The following MAGI3 variants were observed in gnomAD, a reference collection of about 807,000 sequenced individuals.
MAGI3 encodes membrane-associated guanylate kinase, WW and PDZ domain-containing protein 3.
Under a neutral mutation model 121.8 loss-of-function variants are expected in MAGI3, and 43 were observed. The ratio of observed to expected loss-of-function variants is 0.35; its 90% CI spans 0.28 to 0.46. The LOEUF is 0.46. MAGI3 is among the 20% of genes least tolerant of loss of function. MAGI3 has a pLI of 1.00. For synonymous variants in MAGI3, 553 were observed against 639.3 expected, an observed-to-expected ratio of 0.86 and a Z score of 2.04; for missense variants, 1,547 against 1,797.3, an observed-to-expected ratio of 0.86 and a Z score of 2.52.
At chr1:113,569,062 G>A (rs1660545743) in intron 2 of MAGI3, among the ~76,000 whole-genome samples, 1 of 152,108 alleles carries the variant, frequency 6.6e-6, no homozygotes, top group Non-Finnish European at 1.5e-5. Context: ...AAGTTTACAT[G>A]TGATTGGCAC....
Position 113,682,951 on chromosome 1 carries a change from C to T in MAGI3, c.3383C>T (p.Ser1128Leu), listed in dbSNP as rs772680723. 36 of 1,608,358 alleles carry T rather than the reference C, an allele frequency of 2.2e-5. No individual in the cohort carries two copies. Among genetic ancestry groups the T allele is most frequent in the Non-Finnish European group, 3.0e-5 (35 of 1,178,416 alleles). Residue 1128 changes from serine to leucine, a missense_variant, in exon 21 of 21, where the codon TCA becomes TTA. By Grantham distance (145) the Ser-to-Leu change is moderately radical. Coordinates refer to ENST00000307546, the MANE Select transcript of MAGI3 (RefSeq NM_001142782.2). ...TCAAATGTGATTTATGATGAACAGT[C>T]ACCATTACCCCCATCTTCACATTTT... ...SSSNVIYDEQ[S>L]PLPPSSHFAS...
intron 9 of MAGI3, among the ~76,000 whole-genome samples, chr1:113,629,761 T>C (rs12137011): frequency 0.095 from 2,841 of 30,010 alleles, 94 homozygotes; most frequent in African/African-American, 0.24. Context: ...TCTCTCTCTC[T>C]CCCTCCCTCC....
At chr1:113,535,697 A>G (rs1658942896) in intron 1 of MAGI3, among the ~76,000 whole-genome samples, 1 of 152,210 alleles carries the variant, frequency 6.6e-6, no homozygotes, top group Non-Finnish European at 1.5e-5. Flanking sequence ...TTAATAGTGC[A>G]TGAAAATACT....
chr1:113,650,457 G>A (rs530604548), intron 13 of MAGI3, among the ~76,000 whole-genome samples: 24 of 152,294 alleles, frequency 1.6e-4, no homozygotes, highest in African/African-American at 5.3e-4. Flanking sequence ...TCTAATGCTG[G>A]TGAGCAAAAT....
At chr1:113,564,506 A>G (rs2101692850) in intron 2 of MAGI3, among the ~76,000 whole-genome samples, 1 of 152,306 alleles carries the variant, frequency 6.6e-6, no homozygotes, top group Admixed American at 6.5e-5. Flanking sequence ...TTATGAACTA[A>G]TAAAATAAGA....
chr1:113,513,433 A>G (rs920442691), intron 1 of MAGI3, among the ~76,000 whole-genome samples: 1 of 152,198 alleles, frequency 6.6e-6, no homozygotes, highest in Non-Finnish European at 1.5e-5. Flanking sequence ...ACAAAGATAT[A>G]GATCAATGGA....
At chr1:113,460,529 G>C (rs1206947132) in intron 1 of MAGI3, among the ~76,000 whole-genome samples, 1 of 152,174 alleles carries the variant, frequency 6.6e-6, no homozygotes, top group African/African-American at 2.4e-5. Context: ...AATAGTCTCA[G>C]CCGGGCACGG....
At chr1:113,578,079 A>G (rs1022605489) in intron 2 of MAGI3, among the ~76,000 whole-genome samples, 1 of 152,142 alleles carries the variant, frequency 6.6e-6, no homozygotes, top group African/African-American at 2.4e-5. Flanking sequence ...TGACAGCTCA[A>G]CTGGAGCTGG....
chr1:113,411,628 G>GA (rs1651994212), intron 1 of MAGI3, among the ~76,000 whole-genome samples: 1 of 151,394 alleles, frequency 6.6e-6, no homozygotes, highest in Non-Finnish European at 1.5e-5. Flanking sequence ...ACATTTTGCT[G>GA]GAAATTAAAC....
intron 1 of MAGI3, among the ~76,000 whole-genome samples, chr1:113,517,982 T>A (rs1658009528): frequency 6.6e-6 from 1 of 152,094 alleles, no homozygotes; most frequent in South Asian, 2.1e-4. Flanking sequence ...AATCTTATAA[T>A]GGTTCCTCAT....
intron 1 of MAGI3, among the ~76,000 whole-genome samples, chr1:113,424,052 C>A (rs1652870685): frequency 6.6e-6 from 1 of 152,162 alleles, no homozygotes; most frequent in Non-Finnish European, 1.5e-5. Flanking sequence ...CAAGGATACC[C>A]AGTCTGGAGC....
chr1:113,585,219 C>T (rs1286456420), intron 3 of MAGI3, among the ~76,000 whole-genome samples, 168 bp from the exon 4 acceptor site: 5 of 151,968 alleles, frequency 3.3e-5, no homozygotes, highest in South Asian at 2.1e-4. Context: ...TCACCCATCT[C>T]GACCTCCCAA....
intron 1 of MAGI3, among the ~76,000 whole-genome samples, chr1:113,430,219 G>A (rs1653233443): frequency 6.6e-6 from 1 of 152,126 alleles, no homozygotes; most frequent in Non-Finnish European, 1.5e-5. Flanking sequence ...CAGGGAAGAG[G>A]TTGGAGTAGC....
At chr1:113,434,449 T>C (rs1261214183) in intron 1 of MAGI3, among the ~76,000 whole-genome samples, 5 of 152,108 alleles carry the variant, frequency 3.3e-5, no homozygotes, top group African/African-American at 1.2e-4. Flanking sequence ...CTAGTTATAC[T>C]GCTCTATTTT....
At chr1:113,641,557 C>T (rs954193895) in intron 9 of MAGI3, among the ~76,000 whole-genome samples, 2 of 151,502 alleles carry the variant, frequency 1.3e-5, no homozygotes, top group Non-Finnish European at 2.9e-5. Context: ...TGCTTCTGTA[C>T]TAAATACCTA....
At position 113,434,308 on chromosome 1, in the gene MAGI3, G is replaced by A. The variant is rs530496818; in HGVS notation, c.316+42959G>A. ...TGATAGGCCAGGCAAGGTGGCTCATGCCTGTAATCTCAACACTTTGGGAGG... is the reference window on the plus strand; with the variant it reads ...TGATAGGCCAGGCAAGGTGGCTCATACCTGTAATCTCAACACTTTGGGAGG... On this transcript the variant is annotated intron_variant, in intron 1 of 20. Coordinates refer to ENST00000307546, the MANE Select transcript of MAGI3 (RefSeq NM_001142782.2). Among the ~76,000 whole-genome samples, 14 of 152,286 alleles carry A rather than the reference G, an allele frequency of 9.2e-5. No individual in the cohort carries two copies. The South Asian group carries it at 2.7e-3, about 29-fold the overall frequency.
chr1:113,452,348 A>G (rs1257054663), intron 1 of MAGI3, among the ~76,000 whole-genome samples: 1 of 152,034 alleles, frequency 6.6e-6, no homozygotes, highest in Non-Finnish European at 1.5e-5. Context: ...TGTTCTAAAG[A>G]TTGATGATCT....
In MAGI3 at chr1:113,673,331, T is replaced by G. The variant is rs571057628; in HGVS notation, c.3055T>G (p.Cys1019Gly). Residue 1019 changes from cysteine (C) to glycine (G), a missense_variant, in exon 19 of 21, where the codon TGT (cysteine) becomes GGT (glycine). Physicochemically the swap from Cys to Gly is radical, Grantham distance 159 (BLOSUM62 -3). Transcript: ENST00000307546. ...ACTTCTTTCTCTCTAGAACCTTGGT[T>G]GTTATCCAGTAGAGCTGGAGAGAGG... is the stretch of plus-strand genomic sequence containing the variant. ...VGSRHNQNLG[C>G]YPVELERGPR... The G allele has an allele frequency of 6.2e-7, 1 of 1,610,094 alleles. No individual in the cohort carries two copies. The highest frequency in any genetic ancestry group is 1.1e-5 in the South Asian group (1 of 90,128).
At chr1:113,633,685 A>T (rs1206923086) in intron 9 of MAGI3, among the ~76,000 whole-genome samples, 2 of 152,128 alleles carry the variant, frequency 1.3e-5, no homozygotes, top group Admixed American at 1.3e-4. Flanking sequence ...GAATAGTGCC[A>T]CAATAAACAT....
Sources: allele counts gnomAD v4.1 joint callset (sites outside exome capture counted in the v4.1 genomes callset), GRCh38; gene constraint gnomAD v4.1.1; transcripts MANE v1.5; gene names NCBI Gene and HGNC (gene_info 2026-07-23, HGNC 2026-07-21).